Variants in PAPLN observed in about 807,000 individuals in gnomAD.
The protein encoded by PAPLN is papilin, proteoglycan like sulfated glycoprotein.
Under a neutral mutation model 159.0 loss-of-function variants are expected in PAPLN, and 146 were observed. The ratio of observed to expected loss-of-function variants is 0.92; its 90% CI spans 0.80 to 1.05. The LOEUF (loss-of-function observed/expected upper bound fraction) is 1.05, where lower values mean the gene tolerates loss of function less well. Ranked by LOEUF, PAPLN falls within the 50% of genes least tolerant of loss-of-function variation. The pLI is 0.00. For synonymous variants in PAPLN, 734 were observed against 702.9 expected, an observed-to-expected ratio of 1.04 and a Z score of -0.70; for missense variants, 1,720 against 1,743.9, an observed-to-expected ratio of 0.99 and a Z score of 0.24.
chr14:73,251,900 C>G, intron 9 of PAPLN, 64 bp downstream of exon 9: 4 of 1,549,620 alleles, frequency 2.6e-6, no homozygotes, highest in East Asian at 4.5e-5. Context: ...GGCTGCCAAG[C>G]TCTGTACATG....
chr14:73,263,680 A>G lies in PAPLN; in HGVS notation c.2759A>G (p.Gln920Arg). 2 of 1,613,586 alleles carry G rather than the reference A, an allele frequency of 1.2e-6. No individual in the cohort carries two copies. Among genetic ancestry groups the G allele is most frequent in the Non-Finnish European group, 1.7e-6 (2 of 1,179,984 alleles). The change falls in exon 20 of 27, where the codon CAG becomes CGG. Residue 920 changes from glutamine (Q) to arginine (R), a missense_variant. Gln to Arg is a conservative substitution (Grantham distance 43). Coordinates refer to ENST00000644200, the MANE Select transcript of PAPLN (RefSeq NM_001365906.3). ...GCAGGTGTGGAGCCCTCGTTGGTGCAGGCAGCCCTGGGGCAGTTGGTGCGG... is the reference window on the plus strand; with the variant it reads ...GCAGGTGTGGAGCCCTCGTTGGTGCGGGCAGCCCTGGGGCAGTTGGTGCGG... ...SLAGVEPSLV[Q>R]AALGQLVRLS...
Position 73,264,254 on chromosome 14 carries a change from C to T in PAPLN, c.2905C>T (p.Gln969Ter), listed in dbSNP as rs1463023403. ...FDGSLIIHPL[Q>*]AEDAGTYSCG... ...CGGATCCCTGATCATCCACCCCCTG[C>T]AGGCAGAGGACGCGGGCACCTACAG... The change falls in exon 21 of 27, where the codon CAG becomes TAG. Residue 969 changes from glutamine to a stop codon, truncating the protein, a stop_gained. Coordinates refer to ENST00000644200, the MANE Select transcript of PAPLN (RefSeq NM_001365906.3). LOFTEE classifies it high-confidence loss of function. The T allele has an allele frequency of 1.2e-6, 2 of 1,614,038 alleles. No homozygotes were observed. Among genetic ancestry groups the T allele is most frequent in the Non-Finnish European group, 1.7e-6 (2 of 1,180,022 alleles).
At position 73,272,837 on chromosome 14, in the gene PAPLN, TTC is replaced by T; in HGVS notation, c.*179_*180del. The T allele has an allele frequency of 5.3e-6, 3 of 565,256 alleles. No homozygotes were observed. Among genetic ancestry groups the T allele is most frequent in the Non-Finnish European group, 8.3e-6 (3 of 363,248 alleles). The allele number at this position is 565,256 out of a possible 1,614,324, so 35.0% of individuals were successfully genotyped here. A position where few individuals can be genotyped will look rare whatever the true frequency, so the allele number is the denominator to read the frequency against. On this transcript the variant is annotated 3_prime_UTR_variant, in exon 27 of 27. Transcript: ENST00000644200. ...GCCTCAACGGCAGCCAGTTACCAGC[TTC>T]TCTCTGTAGCCTTCAGCAGTGTTTG...
intron 26 of PAPLN, among the ~76,000 whole-genome samples, chr14:73,270,101 G>A (rs1887572536): frequency 6.6e-6 from 1 of 152,248 alleles, no homozygotes; most frequent in South Asian, 2.1e-4. Context: ...CGGCGAGCGG[G>A]AGGGAGGGTT....
In PAPLN at chr14:73,260,815, G is replaced by A; in HGVS notation, c.2092G>A (p.Ala698Thr). 2 of 1,496,860 alleles carry A rather than the reference G, an allele frequency of 1.3e-6. No homozygotes were observed. The highest frequency in any genetic ancestry group is 1.8e-6 in the Non-Finnish European group (2 of 1,125,870). 92.7% of individuals were successfully genotyped at this position (1,496,860 alleles called of 1,614,324 possible). Residue 698 changes from alanine to threonine, a missense_variant, in exon 17 of 27, where the codon GCA becomes ACA. By Grantham distance (58) the Ala-to-Thr change is moderately conservative. Coordinates refer to ENST00000644200, the MANE Select transcript of PAPLN (RefSeq NM_001365906.3). Reference protein sequence around the residue: ...DSTGGMPRSRAVASTVHNTHQ... With the variant: ...DSTGGMPRSRTVASTVHNTHQ... ...CACCGGGGGCATGCCCAGGTCAAGG[G>A]CAGTGGCTTCTACAGTAAGTGTCTG...
chr14:73,260,878 T>C (rs1886505657), intron 17 of PAPLN, 49 bp downstream of exon 17: 3 of 1,491,974 alleles, frequency 2.0e-6, no homozygotes, highest in Non-Finnish European at 2.7e-6. Context: ...CCCGTGAGCC[T>C]GCTCAGTGTC....
intron 5 of PAPLN, among the ~76,000 whole-genome samples, chr14:73,247,917 TG>T (rs1884712601): frequency 7.9e-6 from 1 of 127,360 alleles, no homozygotes; most frequent in Non-Finnish European, 1.6e-5. Flanking sequence ...TGTGTGTGTG[TG>T]TGTGTGTGTG....
intron 5 of PAPLN, 39 bp downstream of exon 5, chr14:73,246,214 T>C (rs12895249): frequency 0.2 from 297,134 of 1,495,928 alleles, 30,343 homozygotes; most frequent in Middle Eastern, 0.27. Flanking sequence ...GGGCCTCTTG[T>C]ATACCTACGT....
Position 73,258,961 on chromosome 14 carries a change from C to G in PAPLN, c.1628-18C>G. On this transcript the variant is annotated intron_variant, in intron 14 of 26. Transcript: ENST00000644200. ...TTCCTCCCTCTCCGTCCCACATGGA[C>G]CTCCCGGCTCCCTGCAGAGGTCCCC... 10 of 1,598,938 alleles carry G rather than the reference C, an allele frequency of 6.3e-6. No individual in the cohort carries two copies. Among genetic ancestry groups the G allele is most frequent in the Non-Finnish European group, 8.5e-6 (10 of 1,172,526 alleles).
At chr14:73,260,338 C>T (rs1189378913) in intron 16 of PAPLN, among the ~76,000 whole-genome samples, 1 of 152,166 alleles carries the variant, frequency 6.6e-6, no homozygotes, top group Admixed American at 6.5e-5. Context: ...TTTGAACCCC[C>T]TCTTCTGCCC....
In PAPLN at chr14:73,264,669, C is replaced by A; in HGVS notation, c.3068C>A (p.Ala1023Glu). Residue 1023 changes from alanine (A) to glutamate (E), a missense_variant, in exon 22 of 27, where the codon GCG becomes GAG. Ala to Glu is a moderately radical substitution (Grantham distance 107, BLOSUM62 -1). Transcript: ENST00000644200. ...PRDPAQDFGQ[A>E]GAAGPLGAIP... is the part of the protein sequence containing the mutation. ...GACCCAGCTCAGGACTTTGGCCAAG[C>A]GGGGGCTGCTGGGCCCCTGGGGGCC... 1 of 1,610,618 alleles carries A rather than the reference C, an allele frequency of 6.2e-7. No individual in the cohort carries two copies. Among genetic ancestry groups the A allele is most frequent in the East Asian group, 2.2e-5 (1 of 44,846 alleles).
Position 73,262,624 on chromosome 14 carries a change from G to A in PAPLN, c.2520G>A (p.Gln840=), listed in dbSNP as rs1009515827. ...CTGCAGGCGAGCAGGAACCCAGCCA[G>A]CACAGGACAGGGGCCGCGGTGCAGA... ...SSPAGEQEPS[Q]HRTGAAVQRK... is the part of the protein sequence containing the mutation. Residue 840 remains glutamine (Q), a synonymous_variant, in exon 19 of 27, where the codon CAG becomes CAA. Transcript: ENST00000644200. 6 of 1,539,966 alleles carry A rather than the reference G, an allele frequency of 3.9e-6. No individual in the cohort carries two copies. The highest frequency in any genetic ancestry group is 5.3e-6 in the Non-Finnish European group (6 of 1,139,370).
At position 73,251,029 on chromosome 14, in the gene PAPLN, A is replaced by G. The variant is rs755642906; in HGVS notation, c.588A>G (p.Arg196=). The G allele has an allele frequency of 3.1e-6, 5 of 1,610,016 alleles. No individual in the cohort carries two copies. In the Admixed American group the frequency reaches 8.4e-5, roughly 27 times the overall value. Reference sequence around the variant, plus strand: ...CCTTTGACGCTAATGACCTCAGCCGAGGTGGGGGTGGTTCCGACAAGGGGC... The same window carrying G: ...CCTTTGACGCTAATGACCTCAGCCGGGGTGGGGGTGGTTCCGACAAGGGGC... The part of the protein sequence containing the change: ...AGTFDANDLS[R]GYNQILIVPM... Residue 196 remains arginine (R), a splice_region_variant and synonymous_variant, in exon 7 of 27, where the codon CGA becomes CGG. Transcript: ENST00000644200.
At chr14:73,243,309 C>T (rs1234643339) in intron 2 of PAPLN, 1 of 152,172 alleles carries the variant, frequency 6.6e-6, no homozygotes, top group Non-Finnish European at 1.5e-5. Flanking sequence ...TCTGTGTGAC[C>T]ATTGAGCTCT....
chr14:73,266,483 G>T lies in PAPLN; in HGVS notation c.3264-18G>T, dbSNP rs748639477. On this transcript the variant is annotated intron_variant, in intron 23 of 26. Coordinates refer to ENST00000644200, the MANE Select transcript of PAPLN (RefSeq NM_001365906.3). ...AGGCTCCTTGGGCTGGAGCCAACTG[G>T]CTGTACTTGGTCCCCAGACACCAGC... 1.9e-6 allele frequency: 3 copies of T among 1,613,212 alleles called. No homozygotes were observed. Among genetic ancestry groups the T allele is most frequent in the East Asian group, 2.2e-5 (1 of 44,864 alleles).
Position 73,249,850 on chromosome 14 carries a change from G to A in PAPLN, c.335-134G>A, listed in dbSNP as rs572581877. 165 of 961,676 alleles carry A rather than the reference G, an allele frequency of 1.7e-4. No individual in the cohort carries two copies. The South Asian group carries it at 2.3e-3, about 13-fold the overall frequency. The allele number at this position is 961,676 out of a possible 1,614,324, so 59.6% of individuals were successfully genotyped here. On this transcript the variant is annotated intron_variant, in intron 5 of 26. Coordinates refer to ENST00000644200, the MANE Select transcript of PAPLN (RefSeq NM_001365906.3). ...CGGTCCCTTCTCCTGGGGATGGGGCGGGGATCTGTGCTCTGCGGGGCCTGC... is the reference window on the plus strand; with the variant it reads ...CGGTCCCTTCTCCTGGGGATGGGGCAGGGATCTGTGCTCTGCGGGGCCTGC...
intron 12 of PAPLN, 42 bp from the exon 13 acceptor site, chr14:73,254,471 G>T (rs768456972): frequency 6.2e-7 from 1 of 1,603,330 alleles, no homozygotes; most frequent in South Asian, 1.1e-5. Context: ...CGTGGCTCCT[G>T]GGGGCAAGGC....
intron 16 of PAPLN, 21 bp downstream of exon 16, chr14:73,259,566 T>A: frequency 6.7e-7 from 1 of 1,494,546 alleles, no homozygotes; most frequent in Non-Finnish European, 8.9e-7. Flanking sequence ...GAGACAGGTC[T>A]TCCTCCTCCC....
chr14:73,265,168 G>A lies in PAPLN; in HGVS notation c.3126-202G>A, dbSNP rs1017245032. Among the ~76,000 whole-genome samples, 1 of 152,204 alleles carries A rather than the reference G, an allele frequency of 6.6e-6. No homozygotes were observed. Among genetic ancestry groups the A allele is most frequent in the Admixed American group, 6.5e-5 (1 of 15,286 alleles). Reference sequence around the variant, plus strand: ...GCCAGCTGTGGTGGAGGGGCAGGGAGTGGTAGTGGCGGGGAGGCAGCTTTA... The same window carrying A: ...GCCAGCTGTGGTGGAGGGGCAGGGAATGGTAGTGGCGGGGAGGCAGCTTTA... On this transcript the variant is annotated intron_variant, in intron 22 of 26. Transcript: ENST00000644200. The surrounding 1 kb of genome is among the most constrained non-coding windows in gnomAD (Gnocchi z 4.1).
Sources: allele counts gnomAD v4.1 joint callset (sites outside exome capture counted in the v4.1 genomes callset), GRCh38; gene constraint gnomAD v4.1.1; non-coding constraint Gnocchi (gnomAD v3.1); transcripts MANE v1.5; gene names NCBI Gene and HGNC (gene_info 2026-07-23, HGNC 2026-07-21).